Variants in ECE2 observed in about 807,000 individuals in gnomAD.
ECE2 encodes endothelin-converting enzyme 2.
A neutral mutation model predicts 100.6 loss-of-function variants in ECE2; 81 were observed. The observed-to-expected ratio is 0.81, with a 90% CI of 0.67 to 0.97. ECE2 has a LOEUF of 0.97. ECE2 is among the 50% of genes least tolerant of loss of function. ECE2 has a pLI of 0.00. For missense variants in ECE2, 911 were observed against 988.1 expected (o/e 0.92, Z 1.05); for synonymous variants, 391 against 391.5 (o/e 1.00, Z 0.02).
At position 184,289,646 on chromosome 3, in the gene ECE2, T is replaced by G; in HGVS notation, c.1479T>G (p.Asp493Glu). 2.5e-6 allele frequency: 4 copies of G among 1,613,666 alleles called. No homozygotes were observed. The highest frequency in any genetic ancestry group is 3.4e-6 in the Non-Finnish European group (4 of 1,179,762). Residue 493 changes from aspartate to glutamate, a missense_variant, in exon 13 of 19, where the codon GAT becomes GAG. Coordinates refer to ENST00000404464, the MANE Select transcript of ECE2 (RefSeq NM_001100121.2). The surrounding 1 kb of genome is among the most constrained non-coding windows in gnomAD (Gnocchi z 4.1). ...CCTTAACCTGGTCTCTTCAGGCAGA[T>G]GCCATCTATGATATGATTGGTTTCC... is the stretch of plus-strand genomic sequence containing the variant. ...KTRQAAKEKADAIYDMIGFPD... is the reference protein window; with the variant it reads ...KTRQAAKEKAEAIYDMIGFPD...
At position 184,292,537 on chromosome 3, in the gene ECE2, G is replaced by T; in HGVS notation, c.*299G>T. 2.3e-6 allele frequency: 1 copy of T among 437,764 alleles called. No homozygotes were observed. The highest frequency in any genetic ancestry group is 4.2e-6 in the Non-Finnish European group (1 of 238,594). The allele number at this position is 437,764 out of a possible 1,614,324, so 27.1% of individuals were successfully genotyped here. On this transcript the variant is annotated 3_prime_UTR_variant, in exon 19 of 19. Coordinates refer to ENST00000404464, the MANE Select transcript of ECE2 (RefSeq NM_001100121.2). ...CCATAGGAAGGAGTCTGCCTCTTCTGTCCCCAGGCTCACTCAGCCTGGCGG... is the reference window on the plus strand; with the variant it reads ...CCATAGGAAGGAGTCTGCCTCTTCTTTCCCCAGGCTCACTCAGCCTGGCGG...
At chr3:184,287,766 G>C (rs1721121167) in intron 10 of ECE2, 71 bp from the exon 11 acceptor site, 7 of 1,380,726 alleles carry the variant, frequency 5.1e-6, no homozygotes, top group Non-Finnish European at 7.2e-6. Flanking sequence ...GCTAGCCCCA[G>C]TGACAGAGAA....
chr3:184,278,495 G>T lies in ECE2; in HGVS notation c.754G>T (p.Asp252Tyr). Residue 252 changes from aspartate (D) to tyrosine (Y), a missense_variant, in exon 7 of 19, where the codon GAC becomes TAC. Coordinates refer to ENST00000404464, the MANE Select transcript of ECE2 (RefSeq NM_001100121.2). ...KSSNSNVIQV[D>Y]QSGLFLPSRD... ...CCTCCTTTCCTTGACATTGCAGGTG[G>T]ACCAGTCTGGGCTCTTTCTGCCCTC... The T allele has an allele frequency of 6.2e-7, 1 of 1,613,864 alleles. No individual in the cohort carries two copies. The highest frequency in any genetic ancestry group is 8.5e-7 in the Non-Finnish European group (1 of 1,179,940).
chr3:184,288,445 ATATAAC>A (rs1359669824), intron 11 of ECE2, among the ~76,000 whole-genome samples: 1 of 152,176 alleles, frequency 6.6e-6, no homozygotes, highest in African/African-American at 2.4e-5. Context: ...ATGTTTAACT[ATATAAC>A]TAGAAGAAAT....
intron 8 of ECE2, among the ~76,000 whole-genome samples, chr3:184,284,414 TGC>T (rs1189855447): frequency 6.6e-6 from 1 of 151,928 alleles, no homozygotes; most frequent in African/African-American, 2.4e-5. Flanking sequence ...TGGTGGCACA[TGC>T]CTGTAATCCC....
chr3:184,286,037 A>G (rs1721022867), intron 10 of ECE2, among the ~76,000 whole-genome samples: 1 of 152,216 alleles, frequency 6.6e-6, no homozygotes, highest in Non-Finnish European at 1.5e-5. Context: ...AACTGCTCAC[A>G]CTGAGTGAAA....
chr3:184,283,814 G>T lies in ECE2; in HGVS notation c.846G>T (p.Glu282Asp). ...TCACTGCCTATCTGGATTACATGGA[G>T]GAACTGGGGATGCTGCTGGGTGGGC... ...KVLTAYLDYM[E>D]ELGMLLGGRP... Residue 282 changes from glutamate to aspartate, a missense_variant, in exon 8 of 19, where the codon GAG (glutamate) becomes GAT (aspartate). Transcript: ENST00000404464. The T allele has an allele frequency of 6.2e-7, 1 of 1,613,900 alleles. No individual in the cohort carries two copies. Among genetic ancestry groups the T allele is most frequent in the Non-Finnish European group, 8.5e-7 (1 of 1,179,994 alleles).
rs1256243484 is a variant in ECE2, at chr3:184,290,390, G to C, written c.1655+32G>C. ...ATGACGGGGTGGACATAGACACTAG[G>C]GGTGGCAGGAGAGGTGGGGGAAGGT... On this transcript the variant is annotated intron_variant, in intron 14 of 18. Coordinates refer to ENST00000404464, the MANE Select transcript of ECE2 (RefSeq NM_001100121.2). 3 of 1,605,684 alleles carry C rather than the reference G, an allele frequency of 1.9e-6. No homozygotes were observed. The East Asian group carries it at 6.7e-5, about 36-fold the overall frequency.
chr3:184,287,773 A>C, intron 10 of ECE2, 64 bp from the exon 11 acceptor site: 1 of 1,452,282 alleles, frequency 6.9e-7, no homozygotes, highest in Non-Finnish European at 9.6e-7. Flanking sequence ...CCAGTGACAG[A>C]GAAAGGCCCT....
chr3:184,279,038 G>A (rs916704246), intron 7 of ECE2: 17 of 159,918 alleles, frequency 1.1e-4, no homozygotes, highest in African/African-American at 1.2e-4. Context: ...GGCCAGGTGC[G>A]GTGGCTCACG....
intron 3 of ECE2, 108 bp downstream of exon 3, chr3:184,277,135 C>G: frequency 1.3e-6 from 2 of 1,599,254 alleles, no homozygotes; most frequent in Non-Finnish European, 1.7e-6. Context: ...GCAGAAAAGC[C>G]CCCGGCTTTG....
In ECE2 at chr3:184,292,475, C is replaced by A. The variant is rs1203705885; in HGVS notation, c.*237C>A. On this transcript the variant is annotated 3_prime_UTR_variant, in exon 19 of 19. Transcript: ENST00000404464. ...TTCACTGTGACATCTTTCCGTGTCA[C>A]CCTGCCTGGAAGAGGTCTGGGTGGG... The A allele has an allele frequency of 5.3e-6, 3 of 563,798 alleles. No individual in the cohort carries two copies. In the African/African-American group the frequency reaches 5.6e-5, roughly 11 times the overall value. 34.9% of individuals were successfully genotyped at this position (563,798 alleles called of 1,614,324 possible). A position where few individuals can be genotyped will look rare whatever the true frequency, so the allele number is the denominator to read the frequency against.
Position 184,291,286 on chromosome 3 carries a change from GT to G in ECE2, c.2025+57del, listed in dbSNP as rs1158190914. The G allele has an allele frequency of 1.3e-6, 2 of 1,590,732 alleles. No homozygotes were observed. The highest frequency in any genetic ancestry group is 2.3e-5 in the South Asian group (2 of 87,576). On this transcript the variant is annotated intron_variant, in intron 17 of 18. Transcript: ENST00000404464. The surrounding 1 kb of genome is among the most constrained non-coding windows in gnomAD (Gnocchi z 4.1). ...GAGGCCTGCTGGCCTGGGGTGAAAG[GT>G]GCCGGGTGGGTGGGGGCAGGCCTGG...
Position 184,291,662 on chromosome 3 carries a change from T to A in ECE2, c.2121+223T>A. On this transcript the variant is annotated intron_variant, in intron 18 of 18. Coordinates refer to ENST00000404464, the MANE Select transcript of ECE2 (RefSeq NM_001100121.2). This position sits in a 1 kb window ranked among gnomAD's most constrained non-coding sequence, Gnocchi z 4.1. ...GAGCGGGAGAATGCCTTGGTAGGAT[T>A]TCGCATAGTTCAAAGGGCAAGGTTG... 1.9e-6 allele frequency: 1 copy of A among 521,470 alleles called. No homozygotes were observed. Among genetic ancestry groups the A allele is most frequent in the Non-Finnish European group, 3.4e-6 (1 of 297,568 alleles). The allele number at this position is 521,470 out of a possible 1,614,324, so 32.3% of individuals were successfully genotyped here.
chr3:184,292,509 T>C lies in ECE2; in HGVS notation c.*271T>C. On this transcript the variant is annotated 3_prime_UTR_variant, in exon 19 of 19. Coordinates refer to ENST00000404464, the MANE Select transcript of ECE2 (RefSeq NM_001100121.2). The stretch of plus-strand genomic sequence containing the variant: ...GAAGAGGTCTGGGTGGGGAGGCCAG[T>C]TCCCATAGGAAGGAGTCTGCCTCTT... 2.0e-6 allele frequency: 1 copy of C among 499,962 alleles called. No homozygotes were observed. The allele number at this position is 499,962 out of a possible 1,614,324, so 31.0% of individuals were successfully genotyped here.
Position 184,283,947 on chromosome 3 carries a change from C to T in ECE2, c.979C>T (p.His327Tyr). The T allele has an allele frequency of 6.2e-7, 1 of 1,613,926 alleles. No homozygotes were observed. ...DQRRDEEKIY[H>Y]KMSISELQAL... ...GCGGCGCGACGAGGAGAAGATCTAC[C>T]ACAAGATGAGCATTTCGGAGCTGCA... The change falls in exon 8 of 19, where the codon CAC (histidine) becomes TAC (tyrosine). Residue 327 changes from histidine to tyrosine, a missense_variant. Physicochemically the swap from His to Tyr is moderately conservative, Grantham distance 83. Transcript: ENST00000404464.
Position 184,289,989 on chromosome 3 carries a change from T to A in ECE2, c.1552-266T>A, listed in dbSNP as rs1001186886. On this transcript the variant is annotated intron_variant, in intron 13 of 18. Coordinates refer to ENST00000404464, the MANE Select transcript of ECE2 (RefSeq NM_001100121.2). This position sits in a 1 kb window ranked among gnomAD's most constrained non-coding sequence, Gnocchi z 4.1. Reference sequence around the variant, plus strand: ...AACTTTGTAACCTTAACAAAATCTCTCTAGGCCTTGGTTTCATTTTCTGTA... The same window carrying A: ...AACTTTGTAACCTTAACAAAATCTCACTAGGCCTTGGTTTCATTTTCTGTA... 6.6e-6 allele frequency among the ~76,000 whole-genome samples: 1 copy of A among 152,190 alleles called. No homozygotes were observed. The highest frequency in any genetic ancestry group is 1.5e-5 in the Non-Finnish European group (1 of 68,044).
chr3:184,284,474 G>A lies in ECE2; in HGVS notation c.1006-489G>A, dbSNP rs181996801. 2.8e-4 allele frequency among the ~76,000 whole-genome samples: 42 copies of A among 151,640 alleles called. No individual in the cohort carries two copies. In the East Asian group the frequency reaches 7.0e-3, roughly 25 times the overall value. On this transcript the variant is annotated intron_variant, in intron 8 of 18. Coordinates refer to ENST00000404464, the MANE Select transcript of ECE2 (RefSeq NM_001100121.2). ...GAAGAATCGCTTGAACCTGGGAGGCGGAGGTTGCAGTGAGCTGAGATTGCG... is the reference window on the plus strand; with the variant it reads ...GAAGAATCGCTTGAACCTGGGAGGCAGAGGTTGCAGTGAGCTGAGATTGCG...
At position 184,285,737 on chromosome 3, in the gene ECE2, A is replaced by G. The variant is rs550722638; in HGVS notation, c.1263+145A>G. ...TGGAAGCAAGCCGACTTGCGTTTCA[A>G]TCCCAACTCATTCATTTTCTAGCCT... On this transcript the variant is annotated intron_variant, in intron 10 of 18. Coordinates refer to ENST00000404464, the MANE Select transcript of ECE2 (RefSeq NM_001100121.2). 5.8e-4 allele frequency: 367 copies of G among 634,684 alleles called. 1 individual carries two copies. Among genetic ancestry groups the G allele is most frequent in the Non-Finnish European group, 8.3e-4 (296 of 356,832 alleles). The allele number at this position is 634,684 out of a possible 1,614,324, so 39.3% of individuals were successfully genotyped here.
Sources: allele counts gnomAD v4.1 joint callset (sites outside exome capture counted in the v4.1 genomes callset), GRCh38; gene constraint gnomAD v4.1.1; non-coding constraint Gnocchi (gnomAD v3.1); transcripts MANE v1.5; gene names NCBI Gene and HGNC (gene_info 2026-07-23, HGNC 2026-07-21).